Variants in LUZP2 observed in about 807,000 individuals in gnomAD.
LUZP2 encodes leucine zipper protein 2.
A neutral mutation model predicts 51.6 loss-of-function variants in LUZP2; 52 were observed. The observed-to-expected ratio is 1.01, with a 90% CI of 0.81 to 1.27. The LOEUF is 1.27. LUZP2 is among the 50% of genes most tolerant of loss of function. The probability of loss-of-function intolerance (pLI) is 0.00; values close to 1 mark genes in which losing one functional copy is unlikely to be tolerated. For missense variants in LUZP2, 436 were observed against 395.4 expected, an observed-to-expected ratio of 1.10 and a Z score of -0.87; for synonymous variants, 154 against 137.3, an observed-to-expected ratio of 1.12 and a Z score of -0.85.
At chr11:24,966,287 G>A (rs1490690862) in intron 7 of LUZP2, among the ~76,000 whole-genome samples, 3 of 151,380 alleles carry the variant, frequency 2.0e-5, no homozygotes, top group Non-Finnish European at 4.4e-5. Flanking sequence ...TTGTTGAGCT[G>A]TAAGTTTCAT....
intron 3 of LUZP2, among the ~76,000 whole-genome samples, chr11:24,737,386 G>A (rs1022064453): frequency 2.0e-5 from 3 of 151,882 alleles, no homozygotes; most frequent in Non-Finnish European, 4.4e-5. Flanking sequence ...TTTCTATTTT[G>A]TTGTTGCTAT....
chr11:24,955,584 G>A (rs2133869642), intron 7 of LUZP2, among the ~76,000 whole-genome samples: 1 of 151,998 alleles, frequency 6.6e-6, no homozygotes, highest in East Asian at 1.9e-4. Context: ...AAATTCCAAA[G>A]TACCAACACA....
At chr11:24,964,628 A>G (rs752367658) in intron 7 of LUZP2, among the ~76,000 whole-genome samples, 2 of 152,256 alleles carry the variant, frequency 1.3e-5, no homozygotes, top group East Asian at 3.9e-4. Flanking sequence ...TACAGGGTAT[A>G]TTATACTATG....
At chr11:24,963,307 G>C (rs1384398714) in intron 7 of LUZP2, among the ~76,000 whole-genome samples, 3 of 152,170 alleles carry the variant, frequency 2.0e-5, no homozygotes, top group Non-Finnish European at 2.9e-5. Context: ...GTCAGACAGG[G>C]ACATTTAAGT....
chr11:24,817,548 C>T (rs145429666), intron 5 of LUZP2, among the ~76,000 whole-genome samples: 253 of 152,110 alleles, frequency 1.7e-3, no homozygotes, highest in Admixed American at 3.6e-3. Flanking sequence ...TGTTTGTCTT[C>T]AACGCCCACA....
intron 4 of LUZP2, among the ~76,000 whole-genome samples, chr11:24,759,094 C>A (rs1324592041): frequency 6.6e-6 from 1 of 152,064 alleles, no homozygotes; most frequent in Non-Finnish European, 1.5e-5. Flanking sequence ...CCCTAACAGA[C>A]AGCAGTGAAG....
intron 4 of LUZP2, among the ~76,000 whole-genome samples, chr11:24,760,309 C>G (rs923550271): frequency 1.3e-5 from 2 of 152,056 alleles, no homozygotes; most frequent in Non-Finnish European, 2.9e-5. Flanking sequence ...CCATCATGGC[C>G]TGAACTTGTG....
chr11:24,515,547 G>A (rs1435598219), intron 1 of LUZP2, among the ~76,000 whole-genome samples: 2 of 152,108 alleles, frequency 1.3e-5, no homozygotes, highest in African/African-American at 4.8e-5. Flanking sequence ...GAGACAAAAA[G>A]TGCAAAGAGT....
intron 1 of LUZP2, among the ~76,000 whole-genome samples, chr11:24,672,771 G>T (rs1856437819): frequency 6.6e-6 from 1 of 152,150 alleles, no homozygotes; most frequent in South Asian, 2.1e-4. Flanking sequence ...TGCCTCCTAG[G>T]CTACAAACCT....
chr11:24,600,646 C>T (rs183561079), intron 1 of LUZP2, among the ~76,000 whole-genome samples: 339 of 152,184 alleles, frequency 2.2e-3, no homozygotes, highest in Middle Eastern at 3.4e-3. Context: ...CACTTCTGTT[C>T]ATAAAGATCG....
intron 4 of LUZP2, among the ~76,000 whole-genome samples, chr11:24,755,162 A>T (rs542654150): frequency 6.6e-6 from 1 of 152,010 alleles, no homozygotes; most frequent in South Asian, 2.1e-4. Flanking sequence ...AGAAAAAAAA[A>T]ACACACACAC....
intron 1 of LUZP2, among the ~76,000 whole-genome samples, chr11:24,657,927 A>T (rs2133975769): frequency 6.6e-6 from 1 of 152,318 alleles, no homozygotes; most frequent in African/African-American, 2.4e-5. Flanking sequence ...ATAAAAGAGG[A>T]CACAAACAAA....
At chr11:24,527,396 A>G (rs1000554996) in intron 1 of LUZP2, among the ~76,000 whole-genome samples, 1 of 151,220 alleles carries the variant, frequency 6.6e-6, no homozygotes, top group African/African-American at 2.4e-5. Flanking sequence ...ATTTATTAAA[A>G]TATTGCAGTT....
chr11:24,662,661 A>G (rs1856061017), intron 1 of LUZP2, among the ~76,000 whole-genome samples: 2 of 152,272 alleles, frequency 1.3e-5, no homozygotes, highest in East Asian at 3.9e-4. Flanking sequence ...AAGAATTCAT[A>G]CACAGCTAAG....
intron 1 of LUZP2, among the ~76,000 whole-genome samples, chr11:24,536,954 T>C (rs1333624700): frequency 6.6e-6 from 1 of 151,828 alleles, no homozygotes; most frequent in South Asian, 2.1e-4. Flanking sequence ...CCAATATGAC[T>C]GCTTCTGAGG....
intron 7 of LUZP2, among the ~76,000 whole-genome samples, chr11:24,960,369 C>G (rs1425027710): frequency 2.0e-5 from 3 of 152,100 alleles, no homozygotes; most frequent in African/African-American, 7.2e-5. Flanking sequence ...GGCTGTGAAT[C>G]CATCTGGTCC....
At chr11:24,950,542 C>A (rs1855045495) in intron 7 of LUZP2, among the ~76,000 whole-genome samples, 1 of 151,470 alleles carries the variant, frequency 6.6e-6, no homozygotes, top group African/African-American at 2.4e-5. Context: ...ACCTCTCTAA[C>A]CGTAAGGATA....
At chr11:24,704,647 C>T (rs1311179602) in intron 1 of LUZP2, among the ~76,000 whole-genome samples, 1 of 151,816 alleles carries the variant, frequency 6.6e-6, no homozygotes, top group Non-Finnish European at 1.5e-5. Context: ...AATAAGTGCT[C>T]CATGATATTA....
At chr11:24,829,215 G>C (rs1850626025) in intron 5 of LUZP2, among the ~76,000 whole-genome samples, 1 of 152,126 alleles carries the variant, frequency 6.6e-6, no homozygotes, top group Non-Finnish European at 1.5e-5. Context: ...AGTGAAGTAA[G>C]ACAGATGAAG....
Sources: allele counts gnomAD v4.1 joint callset (sites outside exome capture counted in the v4.1 genomes callset), GRCh38; gene constraint gnomAD v4.1.1; transcripts MANE v1.5; gene names NCBI Gene and HGNC (gene_info 2026-07-23, HGNC 2026-07-21).